Variants in GABRB1 observed in about 807,000 individuals in gnomAD.
The protein encoded by GABRB1 is gamma-aminobutyric acid receptor subunit beta-1.
A neutral mutation model predicts 51.6 loss-of-function variants in GABRB1; 17 were observed. The ratio of observed to expected loss-of-function variants is 0.33; its 90% CI spans 0.23 to 0.49. The LOEUF (loss-of-function observed/expected upper bound fraction) is 0.49. Among genes scored for constraint, GABRB1 ranks in the 20% least tolerant of loss-of-function variants. The pLI, the probability that GABRB1 is intolerant of heterozygous loss-of-function variation, is 0.99. For missense variants in GABRB1, 410 were observed against 600.6 expected, an observed-to-expected ratio of 0.68 and a Z score of 3.32; for synonymous variants, 247 against 218.9, an observed-to-expected ratio of 1.13 and a Z score of -1.14.
At chr4:47,192,052 C>A (rs1719460065) in intron 4 of GABRB1, among the ~76,000 whole-genome samples, 1 of 151,930 alleles carries the variant, frequency 6.6e-6, no homozygotes, top group Admixed American at 6.6e-5. Context: ...TTCACATTTT[C>A]TTTTTTTACC....
chr4:47,425,874 G>A lies in GABRB1; in HGVS notation c.1281G>A (p.Gly427=). The A allele has an allele frequency of 1.9e-6, 3 of 1,614,142 alleles. No homozygotes were observed. In the South Asian group the frequency reaches 3.3e-5, roughly 18 times the overall value. The change falls in exon 9 of 9, where the codon GGG becomes GGA. Residue 427 remains glycine (G), a synonymous_variant. Transcript: ENST00000295454. ...ACCGGCACGGGGTACCCAGCAAGGG[G>A]CGCATCCGCAGGCGTGCCTCCCAGC... is the stretch of plus-strand genomic sequence containing the variant. The part of the protein sequence containing the change: ...ALDRHGVPSK[G]RIRRRASQLK...
intron 3 of GABRB1, among the ~76,000 whole-genome samples, chr4:47,160,881 G>C (rs1486582307): frequency 2.0e-5 from 3 of 151,620 alleles, no homozygotes; most frequent in Non-Finnish European, 4.4e-5. Flanking sequence ...CAGTCTCCTG[G>C]GCACAAGAGA....
chr4:47,288,825 C>T (rs888130833), intron 4 of GABRB1, among the ~76,000 whole-genome samples: 2 of 152,182 alleles, frequency 1.3e-5, no homozygotes, highest in South Asian at 2.1e-4. Context: ...ACTTGCCCAA[C>T]GTCAACAGCT....
intron 3 of GABRB1, among the ~76,000 whole-genome samples, chr4:47,061,831 C>T (rs1271502393): frequency 1.3e-5 from 2 of 152,110 alleles, no homozygotes; most frequent in East Asian, 3.9e-4. Flanking sequence ...TTCTTTTGGT[C>T]ATCTTGTGAT....
At chr4:47,252,141 G>A (rs1038902295) in intron 4 of GABRB1, among the ~76,000 whole-genome samples, 4 of 148,104 alleles carry the variant, frequency 2.7e-5, no homozygotes, top group Non-Finnish European at 5.9e-5. Flanking sequence ...GATCCCTGTG[G>A]TGCCAGGCAG....
chr4:47,129,489 A>G (rs747804095), intron 3 of GABRB1, among the ~76,000 whole-genome samples: 1 of 152,358 alleles, frequency 6.6e-6, no homozygotes, highest in Admixed American at 6.5e-5. Flanking sequence ...AGTTCCTATG[A>G]TGTGCCAGGC....
Position 47,106,262 on chromosome 4 carries a change from T to C in GABRB1, c.241-54987T>C, listed in dbSNP as rs1184197919. 2.0e-5 allele frequency among the ~76,000 whole-genome samples: 3 copies of C among 152,184 alleles called. No homozygotes were observed. In the East Asian group the frequency reaches 5.8e-4, roughly 29 times the overall value. ...AAGAGGTAATTAATTTCCTCAATAT[T>C]TTAAAAAACCAAAATTGAACAACAC... is the stretch of plus-strand genomic sequence containing the variant. On this transcript the variant is annotated intron_variant, in intron 3 of 8. Coordinates refer to ENST00000295454, the MANE Select transcript of GABRB1 (RefSeq NM_000812.4).
intron 5 of GABRB1, among the ~76,000 whole-genome samples, chr4:47,377,082 C>A (rs1727409492): frequency 6.6e-6 from 1 of 152,094 alleles, no homozygotes; most frequent in South Asian, 2.1e-4. Flanking sequence ...TTGTTTATAA[C>A]AAAAGTTCAT....
chr4:46,994,610 C>G (rs550981106), intron 1 of GABRB1, among the ~76,000 whole-genome samples: 1 of 152,000 alleles, frequency 6.6e-6, no homozygotes, highest in East Asian at 1.9e-4. Context: ...TCCCTTGTGA[C>G]ATGAAAGGGA....
Position 47,317,529 on chromosome 4 carries a change from T to G in GABRB1, c.462-2598T>G, listed in dbSNP as rs140473849. ...AATAAAGTGAATAAATTAACCCATATGATCATAGGAACAGAAAGCATAGTG... is the reference window on the plus strand; with the variant it reads ...AATAAAGTGAATAAATTAACCCATAGGATCATAGGAACAGAAAGCATAGTG... On this transcript the variant is annotated intron_variant, in intron 4 of 8. Coordinates refer to ENST00000295454, the MANE Select transcript of GABRB1 (RefSeq NM_000812.4). Among the ~76,000 whole-genome samples, 1,324 of 152,094 alleles carry G rather than the reference T, an allele frequency of 8.7e-3. 41 individuals carry two copies. The highest frequency in any genetic ancestry group is 0.056 in the Admixed American group (851 of 15,258).
At chr4:47,233,769 C>T (rs1390044980) in intron 4 of GABRB1, among the ~76,000 whole-genome samples, 1 of 152,048 alleles carries the variant, frequency 6.6e-6, no homozygotes, top group East Asian at 1.9e-4. Context: ...TTAGAAATTA[C>T]ATATTAGTTA....
Position 47,398,557 on chromosome 4 carries a change from T to TAG in GABRB1, c.545-4741_545-4740dup, listed in dbSNP as rs1182836628. On this transcript the variant is annotated intron_variant, in intron 5 of 8. Transcript: ENST00000295454. ...TTAAGGAAATATCTTCTCATATATATAGAGAGAGAGAGAGAGAGAGACAGA... is the reference window on the plus strand; with the variant it reads ...TTAAGGAAATATCTTCTCATATATATAGAGAGAGAGAGAGAGAGAGAGACAGA... 6.9e-4 allele frequency among the ~76,000 whole-genome samples: 105 copies of TAG among 151,634 alleles called. 1 individual carries two copies. The South Asian group carries it at 9.6e-3, about 14-fold the overall frequency.
At chr4:47,353,698 T>C (rs1726446787) in intron 5 of GABRB1, among the ~76,000 whole-genome samples, 1 of 152,180 alleles carries the variant, frequency 6.6e-6, no homozygotes, top group Admixed American at 6.5e-5. Context: ...ATACATGGTT[T>C]AAGAATTCAA....
chr4:47,308,489 T>C (rs1724549229), intron 4 of GABRB1, among the ~76,000 whole-genome samples: 1 of 152,110 alleles, frequency 6.6e-6, no homozygotes, highest in Admixed American at 6.6e-5. Flanking sequence ...TTGTTTTTTC[T>C]CAGCATAAAG....
intron 4 of GABRB1, among the ~76,000 whole-genome samples, chr4:47,270,149 T>C (rs757173770): frequency 6.6e-6 from 1 of 152,162 alleles, no homozygotes; most frequent in African/African-American, 2.4e-5. Context: ...AGATAAATAA[T>C]AGGAAAAAGT....
At position 47,325,522 on chromosome 4, in the gene GABRB1, C is replaced by CCTTCCTCATTAT. The variant is rs545666725; in HGVS notation, c.544+5329_544+5340dup. Among the ~76,000 whole-genome samples the CCTTCCTCATTAT allele has an allele frequency of 6.6e-5, 10 of 152,180 alleles. No individual in the cohort carries two copies. In the South Asian group the frequency reaches 2.1e-3, roughly 32 times the overall value. On this transcript the variant is annotated intron_variant, in intron 5 of 8. Coordinates refer to ENST00000295454, the MANE Select transcript of GABRB1 (RefSeq NM_000812.4). ...ATCTTCAAGCTCTTGTGTGACTTGA[C>CCTTCCTCATTAT]CTTCCTCATTATCTTCCTCATTATC...
chr4:47,228,381 G>T (rs1721024110), intron 4 of GABRB1, among the ~76,000 whole-genome samples: 1 of 151,850 alleles, frequency 6.6e-6, no homozygotes, highest in Non-Finnish European at 1.5e-5. Flanking sequence ...GAAGAAAGAG[G>T]TCTTGGGTCC....
At chr4:47,233,827 T>C (rs1395636004) in intron 4 of GABRB1, among the ~76,000 whole-genome samples, 1 of 152,246 alleles carries the variant, frequency 6.6e-6, no homozygotes, top group Non-Finnish European at 1.5e-5. Flanking sequence ...ACAAATAGTG[T>C]ATTTTATTAC....
intron 4 of GABRB1, among the ~76,000 whole-genome samples, chr4:47,201,268 G>A (rs1349690138): frequency 6.6e-6 from 1 of 151,914 alleles, no homozygotes; most frequent in East Asian, 1.9e-4. Context: ...TTTTGAATAA[G>A]AAACCAAAGT....
Sources: gnomAD v4.1 joint callset for allele counts (sites outside exome capture counted in the v4.1 genomes callset) on GRCh38, gnomAD v4.1.1 for gene constraint, MANE v1.5 for transcripts, NCBI Gene and HGNC (gene_info 2026-07-23, HGNC 2026-07-21) for gene names.